The following CATSPERB variants were observed in gnomAD, a reference collection of about 807,000 sequenced individuals.
CATSPERB encodes catsper channel auxiliary subunit beta, also known as cation channel sperm-associated auxiliary subunit beta.
CATSPERB carries 93 observed loss-of-function variants against 128.3 expected under a neutral mutation model. The ratio of observed to expected loss-of-function variants is 0.72; its 90% CI spans 0.61 to 0.86. The LOEUF is 0.86. Among genes scored for constraint, CATSPERB ranks in the 40% least tolerant of loss-of-function variants. CATSPERB has a pLI of 0.00. For synonymous variants in CATSPERB, 381 were observed against 448.8 expected (o/e 0.85, Z 1.91); for missense variants, 1,153 against 1,329.5 (o/e 0.87, Z 2.06).
intron 22 of CATSPERB, among the ~76,000 whole-genome samples, chr14:91,593,835 C>A (rs2139761882): frequency 6.6e-6 from 1 of 152,300 alleles, no homozygotes; most frequent in African/African-American, 2.4e-5. Context: ...CCATTCAAAT[C>A]TCAACTTGAA....
rs745440114 is a variant in CATSPERB at position 91,610,584 on chromosome 14, G to C, written c.2494C>G (p.Leu832Val). 5 of 1,613,716 alleles carry C rather than the reference G, an allele frequency of 3.1e-6. No individual in the cohort carries two copies. In the South Asian group the frequency reaches 3.3e-5, roughly 11 times the overall value. ...VPTLKSSCSY[L>V]RSMHHIPSKF... ...CTAGGAATGTGATGCATAGATCTGA[G>C]ATAACTACAGCTGCTTTTCAGTGTT... Residue 832 changes from leucine to valine, a missense_variant, in exon 21 of 27, where the codon CTC becomes GTC. Leu to Val is a conservative substitution (Grantham distance 32). Coordinates refer to ENST00000256343, the MANE Select transcript of CATSPERB (RefSeq NM_024764.4).
rs898485217 is a variant in CATSPERB at position 91,719,475 on chromosome 14, T to C, written c.313A>G (p.Ser105Gly). 3.1e-6 allele frequency: 5 copies of C among 1,609,888 alleles called. No homozygotes were observed. In the African/African-American group the frequency reaches 5.3e-5, roughly 17 times the overall value. ...GIFHFNLTLFSDRILWLVDIP... is the reference protein window; with the variant it reads ...GIFHFNLTLFGDRILWLVDIP... Reference sequence around the variant, plus strand: ...TCAACCAACCACAAAATCCGATCACTGAACTTGAATAAAGAAGACATCAGA... The same window carrying C: ...TCAACCAACCACAAAATCCGATCACCGAACTTGAATAAAGAAGACATCAGA... Residue 105 changes from serine (S) to glycine (G), a missense_variant, in exon 5 of 27, where the codon AGT becomes GGT. Coordinates refer to ENST00000256343, the MANE Select transcript of CATSPERB (RefSeq NM_024764.4).
chr14:91,707,400 A>C (rs1895749882), intron 6 of CATSPERB, among the ~76,000 whole-genome samples: 1 of 152,152 alleles, frequency 6.6e-6, no homozygotes, highest in African/African-American at 2.4e-5. Flanking sequence ...ATATCAAACT[A>C]TCAGAGTCCC....
chr14:91,608,357 T>A lies in CATSPERB; in HGVS notation c.2646A>T (p.Thr882=), dbSNP rs1411383620. Residue 882 remains threonine, a synonymous_variant, in exon 22 of 27, where the codon ACA becomes ACT. Coordinates refer to ENST00000256343, the MANE Select transcript of CATSPERB (RefSeq NM_024764.4). ...PSNMGIAIPL[T]DNFYHADPSK... is the part of the protein sequence containing the mutation. Reference sequence around the variant, plus strand: ...TAGGATCTGCATGATAAAAATTATCTGTGAGTGGAATAGCAATTCCCATAT... The same window carrying A: ...TAGGATCTGCATGATAAAAATTATCAGTGAGTGGAATAGCAATTCCCATAT... 1 of 1,612,398 alleles carries A rather than the reference T, an allele frequency of 6.2e-7. No individual in the cohort carries two copies. Among genetic ancestry groups the A allele is most frequent in the South Asian group, 1.1e-5 (1 of 90,976 alleles).
chr14:91,660,005 C>T, intron 14 of CATSPERB, 24 bp from the exon 15 acceptor site: 2 of 1,549,596 alleles, frequency 1.3e-6, no homozygotes, highest in Non-Finnish European at 1.7e-6. Flanking sequence ...GAGATAATAC[C>T]TTACTAAAGG....
At chr14:91,607,418 G>T (rs1027307416) in intron 22 of CATSPERB, among the ~76,000 whole-genome samples, 1 of 152,150 alleles carries the variant, frequency 6.6e-6, no homozygotes, top group Non-Finnish European at 1.5e-5. Flanking sequence ...CAGCCATGTG[G>T]TATCAGGCAG....
intron 9 of CATSPERB, 30 bp from the exon 10 acceptor site, chr14:91,691,585 G>T (rs758949574): frequency 1.3e-6 from 2 of 1,582,116 alleles, no homozygotes; most frequent in Non-Finnish European, 1.7e-6. Context: ...TTTAATTTTT[G>T]CTTGCATATC....
intron 23 of CATSPERB, among the ~76,000 whole-genome samples, chr14:91,590,893 C>T (rs530985709): frequency 7.9e-5 from 12 of 151,976 alleles, no homozygotes; most frequent in East Asian, 3.9e-4. Flanking sequence ...CCTCATGATC[C>T]GCCCGCCTCG....
At chr14:91,715,573 A>G (rs1372516682) in intron 5 of CATSPERB, among the ~76,000 whole-genome samples, 2 of 151,584 alleles carry the variant, frequency 1.3e-5, no homozygotes, top group Non-Finnish European at 2.9e-5. Context: ...AAAAAAAAAA[A>G]AGATATTATT....
chr14:91,584,073 C>CT (rs1039982432), intron 26 of CATSPERB, among the ~76,000 whole-genome samples: 8 of 150,112 alleles, frequency 5.3e-5, no homozygotes, highest in Non-Finnish European at 7.4e-5. Context: ...CTTTTTTTTC[C>CT]TTTTTTTTTG....
intron 7 of CATSPERB, among the ~76,000 whole-genome samples, chr14:91,694,438 CAAAAAAAAAAA>C (rs547649333): frequency 4.6e-5 from 3 of 65,768 alleles, no homozygotes; most frequent in African/African-American, 1.2e-4. Flanking sequence ...GACCCTATCT[CAAAAAAAAAAA>C]AAAAAAAAAA....
chr14:91,594,602 T>C (rs377626327), intron 22 of CATSPERB, among the ~76,000 whole-genome samples: 16 of 152,328 alleles, frequency 1.1e-4, no homozygotes, highest in African/African-American at 3.8e-4. Flanking sequence ...TAAATTCTTT[T>C]GTAAATTGCC....
chr14:91,647,913 A>C (rs537424348), intron 15 of CATSPERB, among the ~76,000 whole-genome samples: 1 of 152,324 alleles, frequency 6.6e-6, no homozygotes, highest in East Asian at 1.9e-4. Flanking sequence ...AATTTATCTA[A>C]GTATTTTGTT....
At chr14:91,630,290 C>T (rs1056109892) in intron 17 of CATSPERB, among the ~76,000 whole-genome samples, 1 of 152,172 alleles carries the variant, frequency 6.6e-6, no homozygotes, top group African/African-American at 2.4e-5. Context: ...AGGCTCTCTT[C>T]CTGGAGCACC....
At chr14:91,629,687 G>A (rs2139795951) in intron 17 of CATSPERB, among the ~76,000 whole-genome samples, 1 of 152,214 alleles carries the variant, frequency 6.6e-6, no homozygotes, top group South Asian at 2.1e-4. Flanking sequence ...AATTTAAAAA[G>A]TTTATTAATT....
chr14:91,604,332 G>A (rs1291471412), intron 22 of CATSPERB: 15 of 766,860 alleles, frequency 2.0e-5, no homozygotes. Context: ...TATGAGGGAT[G>A]GGAGGAGGGG....
At chr14:91,679,812 T>C (rs1234989037) in intron 11 of CATSPERB, among the ~76,000 whole-genome samples, 1 of 152,232 alleles carries the variant, frequency 6.6e-6, no homozygotes, top group Non-Finnish European at 1.5e-5. Context: ...TAAATCTTTT[T>C]ATGGCTTCCA....
chr14:91,625,032 C>T (rs763394458), intron 17 of CATSPERB, 25 bp from the exon 18 acceptor site: 4 of 1,489,772 alleles, frequency 2.7e-6, no homozygotes, highest in Non-Finnish European at 3.6e-6. Context: ...AACCATTAAG[C>T]AATTTGGATA....
At chr14:91,622,210 AT>A (rs35544588) in intron 18 of CATSPERB, among the ~76,000 whole-genome samples, 540 of 150,692 alleles carry the variant, frequency 3.6e-3, no homozygotes, top group Non-Finnish European at 6.1e-3. Context: ...AAGAAAGCTG[AT>A]TTTTTTTTTT....
Sources: gnomAD v4.1 joint callset for allele counts (sites outside exome capture counted in the v4.1 genomes callset) on GRCh38, gnomAD v4.1.1 for gene constraint, MANE v1.5 for transcripts, NCBI Gene and HGNC (gene_info 2026-07-23, HGNC 2026-07-21) for gene names.